HYAL4: variants seen among roughly 807,000 people sequenced by gnomAD.
HYAL4 encodes the protein hyaluronidase-4.
HYAL4 carries 37 observed loss-of-function variants against 35.2 expected under a neutral mutation model. That is an observed-to-expected ratio of 1.05 (90% confidence interval 0.81 to 1.38). The LOEUF (loss-of-function observed/expected upper bound fraction) is 1.38, where lower values mean the gene tolerates loss of function less well. Among genes scored for constraint, HYAL4 ranks in the 40% most tolerant of loss-of-function variants. The probability of loss-of-function intolerance (pLI) is 0.00; values close to 1 mark genes in which losing one functional copy is unlikely to be tolerated. For synonymous variants in HYAL4, 198 were observed against 203.2 expected, an observed-to-expected ratio of 0.97 and a Z score of 0.22; for missense variants, 572 against 572.4, an observed-to-expected ratio of 1.00 and a Z score of 0.01.
the HYAL4 span, among the ~76,000 whole-genome samples, chr7:123,813,154 A>G: frequency 6.6e-6 from 1 of 152,192 alleles, no homozygotes; most frequent in African/African-American, 2.4e-5. Context: ...ATGAGAAACA[A>G]TGTATGATTC....
chr7:123,875,673 G>GA (rs565686415), intron 4 of HYAL4, among the ~76,000 whole-genome samples: 26 of 135,944 alleles, frequency 1.9e-4, no homozygotes, highest in East Asian at 6.5e-4. Flanking sequence ...AAAAAAAAAA[G>GA]AAAAAAAAAA....
the HYAL4 span, among the ~76,000 whole-genome samples, chr7:123,771,937 A>C: frequency 6.6e-6 from 1 of 152,148 alleles, no homozygotes; most frequent in South Asian, 2.1e-4. Flanking sequence ...CAAAAGGGAA[A>C]GGGAAGAGAA....
chr7:123,844,156 T>C (rs530180608), upstream of HYAL4: 3 of 152,184 alleles, frequency 2.0e-5, no homozygotes, highest in Non-Finnish European at 4.4e-5. Context: ...TGGTCTTTGA[T>C]GTTGGTGACC....
the HYAL4 span, among the ~76,000 whole-genome samples, chr7:123,786,349 T>C: frequency 6.6e-6 from 1 of 152,228 alleles, no homozygotes; most frequent in Non-Finnish European, 1.5e-5. Context: ...CTCACTATGA[T>C]TTTTCTACAT....
chr7:123,765,043 A>G, the HYAL4 span, among the ~76,000 whole-genome samples: 1 of 152,242 alleles, frequency 6.6e-6, no homozygotes, highest in Non-Finnish European at 1.5e-5. Flanking sequence ...AAAAAATGCA[A>G]CATTAAGTAC....
rs565345518 is a variant in HYAL4 at position 123,846,621 on chromosome 7, CTG to C, written c.-122+937_-122+938del. 9.5e-4 allele frequency among the ~76,000 whole-genome samples: 144 copies of C among 152,214 alleles called. 6 individuals carry two copies. The South Asian group carries it at 0.012, about 13-fold the overall frequency. On this transcript the variant is annotated intron_variant, in intron 1 of 4. Transcript: ENST00000223026. ...TTTCCTGCCTCCCTGCCTGTGGAGT[CTG>C]CATACCAGATTCACACCCTCCCCTG...
intron 2 of HYAL4, among the ~76,000 whole-genome samples, chr7:123,855,849 T>G (rs569832381): frequency 6.6e-6 from 1 of 152,260 alleles, no homozygotes; most frequent in East Asian, 1.9e-4. Flanking sequence ...CAAACATAGG[T>G]TTGGTCTTTT....
chr7:123,800,503 A>G, the HYAL4 span, among the ~76,000 whole-genome samples: 1 of 151,068 alleles, frequency 6.6e-6, no homozygotes, highest in African/African-American at 2.4e-5. Flanking sequence ...AAATTAAAAA[A>G]AAAGAAGTTT....
the HYAL4 span, among the ~76,000 whole-genome samples, chr7:123,805,067 T>G: frequency 6.6e-6 from 1 of 152,172 alleles, no homozygotes; most frequent in Non-Finnish European, 1.5e-5. Context: ...GATTGTGCTA[T>G]GTAGTGAATG....
At chr7:123,779,469 T>C in the HYAL4 span, among the ~76,000 whole-genome samples, 1 of 151,752 alleles carries the variant, frequency 6.6e-6, no homozygotes, top group South Asian at 2.1e-4. Context: ...GCACATAATG[T>C]AATATTTACA....
intron 1 of HYAL4, among the ~76,000 whole-genome samples, chr7:123,837,797 C>T (rs1184482898): frequency 6.6e-6 from 1 of 150,884 alleles, no homozygotes; most frequent in African/African-American, 2.4e-5. Context: ...CGATAGTTTG[C>T]TGAGAATGAT....
intron 1 of HYAL4, among the ~76,000 whole-genome samples, chr7:123,830,368 T>G (rs1200514583): frequency 6.6e-6 from 1 of 152,186 alleles, no homozygotes; most frequent in Non-Finnish European, 1.5e-5. Context: ...AAATATCTTA[T>G]AAATACCACA....
the HYAL4 span, among the ~76,000 whole-genome samples, chr7:123,794,652 G>A: frequency 1.3e-5 from 2 of 152,326 alleles, no homozygotes; most frequent in East Asian, 1.9e-4. Context: ...TTGAGCCTGT[G>A]GGTGCGCAGA....
chr7:123,796,947 T>C, the HYAL4 span, among the ~76,000 whole-genome samples: 2 of 152,140 alleles, frequency 1.3e-5, no homozygotes, highest in Non-Finnish European at 2.9e-5. Flanking sequence ...AGGGAGGTGA[T>C]AGCTAAGGGG....
chr7:123,822,766 C>T, the HYAL4 span, among the ~76,000 whole-genome samples: 2 of 152,028 alleles, frequency 1.3e-5, no homozygotes, highest in African/African-American at 4.8e-5. Flanking sequence ...CAAACCCAGC[C>T]TTGGCAACAT....
At chr7:123,832,715 A>T (rs1204877382) in intron 1 of HYAL4, among the ~76,000 whole-genome samples, 2 of 151,264 alleles carry the variant, frequency 1.3e-5, no homozygotes, top group African/African-American at 4.9e-5. Flanking sequence ...GTTAGCCAGG[A>T]TGGTCTCGAT....
Position 123,874,830 on chromosome 7 carries a change from A to G in HYAL4, c.1024A>G (p.Met342Val). The change falls in exon 4 of 5, where the codon ATG (methionine) becomes GTG (valine). Residue 342 changes from methionine to valine, a missense_variant. By Grantham distance (21) the Met-to-Val change is conservative. Transcript: ENST00000223026. ...TGCAGGCATTGTTATTTGGGGAGAC[A>G]TGAATTTAACTGCATCCAAGGTAAG... is the stretch of plus-strand genomic sequence containing the variant. The part of the protein sequence containing the change: ...GAAGIVIWGD[M>V]NLTASKANCT... 6.2e-7 allele frequency: 1 copy of G among 1,601,472 alleles called. No homozygotes were observed.
chr7:123,781,706 CTT>C, the HYAL4 span, among the ~76,000 whole-genome samples: 2 of 152,004 alleles, frequency 1.3e-5, no homozygotes, highest in Non-Finnish European at 2.9e-5. Context: ...AAAAGTATCT[CTT>C]TAATATTTTT....
the HYAL4 span, among the ~76,000 whole-genome samples, chr7:123,790,128 C>T: frequency 6.9e-3 from 1,055 of 152,230 alleles, 17 homozygotes; most frequent in African/African-American, 0.024. Flanking sequence ...ATTAGTTGCC[C>T]ACCCACATTA....
Sources: allele counts gnomAD v4.1 joint callset (sites outside exome capture counted in the v4.1 genomes callset), GRCh38; gene constraint gnomAD v4.1.1; transcripts MANE v1.5; gene names NCBI Gene and HGNC (gene_info 2026-07-23, HGNC 2026-07-21).